Variants in COL24A1 observed in about 807,000 individuals in gnomAD.
COL24A1 encodes the protein collagen type XXIV alpha 1 chain.
Under a neutral mutation model 253.9 loss-of-function variants are expected in COL24A1, and 224 were observed. The observed-to-expected ratio is 0.88, with a 90% CI of 0.79 to 0.99. The LOEUF (loss-of-function observed/expected upper bound fraction) is 0.99. Among genes scored for constraint, COL24A1 ranks in the 50% least tolerant of loss-of-function variants. The probability of loss-of-function intolerance (pLI) is 0.00; values close to 1 mark genes in which losing one functional copy is unlikely to be tolerated. For missense variants in COL24A1, 2,131 were observed against 2,068.5 expected, an observed-to-expected ratio of 1.03 and a Z score of -0.59; for synonymous variants, 685 against 673.7, an observed-to-expected ratio of 1.02 and a Z score of -0.26.
chr1:85,839,464 C>T (rs892645418), intron 42 of COL24A1, among the ~76,000 whole-genome samples: 1 of 151,838 alleles, frequency 6.6e-6, no homozygotes, highest in Non-Finnish European at 1.5e-5. Context: ...TAGCTCATGC[C>T]TGTAATCCCA....
intron 20 of COL24A1, among the ~76,000 whole-genome samples, chr1:85,976,976 C>T (rs1260267131): frequency 6.6e-6 from 1 of 152,176 alleles, no homozygotes; most frequent in East Asian, 1.9e-4. Flanking sequence ...ACTTCACTCC[C>T]CTGCCACCTC....
intron 57 of COL24A1, among the ~76,000 whole-genome samples, chr1:85,737,988 C>T (rs530727186): frequency 4.5e-4 from 68 of 152,204 alleles, no homozygotes; most frequent in African/African-American, 1.5e-3. Context: ...AAAATTGATA[C>T]TAAAAATGCT....
intron 5 of COL24A1, among the ~76,000 whole-genome samples, chr1:86,107,754 C>A (rs1336451131): frequency 1.3e-5 from 2 of 151,756 alleles, no homozygotes; most frequent in Non-Finnish European, 2.9e-5. Context: ...CCAGGATGGT[C>A]TCGATCTCCT....
At chr1:86,091,624 AT>A (rs777479469) in intron 6 of COL24A1, among the ~76,000 whole-genome samples, 47 of 152,106 alleles carry the variant, frequency 3.1e-4, no homozygotes, top group Non-Finnish European at 5.7e-4. Context: ...CCTTCTCCCA[AT>A]AAAGTTTTTG....
intron 24 of COL24A1, among the ~76,000 whole-genome samples, chr1:85,926,071 A>G (rs1005128450): frequency 3.3e-5 from 5 of 152,252 alleles, no homozygotes; most frequent in Admixed American, 2.0e-4. Flanking sequence ...ACACATGAAA[A>G]AAATGCTCAT....
chr1:85,789,842 A>G (rs1670079488), intron 47 of COL24A1, among the ~76,000 whole-genome samples: 1 of 152,048 alleles, frequency 6.6e-6, no homozygotes. Flanking sequence ...TGTTTACGTG[A>G]TGAATTACAT....
intron 1 of COL24A1, among the ~76,000 whole-genome samples, chr1:86,152,425 T>G (rs930066213): frequency 4.6e-5 from 7 of 152,244 alleles, no homozygotes; most frequent in African/African-American, 1.7e-4. Context: ...TCAGTCTATG[T>G]GTATAAGGTA....
At chr1:85,895,712 T>C in intron 31 of COL24A1, 146 bp downstream of exon 31, 1 of 681,298 alleles carries the variant, frequency 1.5e-6, no homozygotes, top group Non-Finnish European at 2.6e-6. Context: ...TCATAATTTA[T>C]ACATATATCA....
intron 24 of COL24A1, among the ~76,000 whole-genome samples, chr1:85,958,253 C>T (rs997536660): frequency 2.6e-5 from 4 of 152,102 alleles, no homozygotes; most frequent in African/African-American, 9.7e-5. Flanking sequence ...TTTCCCCACC[C>T]CTTCCCTGGC....
chr1:86,050,674 C>T (rs2101679983), intron 10 of COL24A1, among the ~76,000 whole-genome samples: 1 of 152,016 alleles, frequency 6.6e-6, no homozygotes, highest in Non-Finnish European at 1.5e-5. Context: ...TTAATGGTAA[C>T]AATTGGGGAG....
At chr1:85,816,612 T>C (rs1308366088) in intron 47 of COL24A1, among the ~76,000 whole-genome samples, 176 bp downstream of exon 47, 1 of 152,254 alleles carries the variant, frequency 6.6e-6, no homozygotes, top group African/African-American at 2.4e-5. Context: ...GAAGAGAATG[T>C]ACCTATTGAC....
At chr1:85,822,054 T>A (rs1250086947) in intron 45 of COL24A1, among the ~76,000 whole-genome samples, 1 of 152,208 alleles carries the variant, frequency 6.6e-6, no homozygotes, top group Non-Finnish European at 1.5e-5. Context: ...TTTTCCAATT[T>A]GAGTATTAAA....
chr1:85,853,816 G>A (rs910431277), intron 37 of COL24A1, among the ~76,000 whole-genome samples: 2 of 151,986 alleles, frequency 1.3e-5, no homozygotes, highest in Non-Finnish European at 2.9e-5. Flanking sequence ...TAATGGGTTT[G>A]TTTGTTTTTT....
At chr1:85,932,425 AG>A (rs1178967932) in intron 24 of COL24A1, among the ~76,000 whole-genome samples, 1 of 97,496 alleles carries the variant, frequency 1.0e-5, no homozygotes, top group Admixed American at 1.2e-4. Flanking sequence ...ATCATTAAAA[AG>A]TCAGGAAACA....
At chr1:85,858,627 CCTTCCT>C (rs1678748332) in intron 37 of COL24A1, among the ~76,000 whole-genome samples, 50 of 115,960 alleles carry the variant, frequency 4.3e-4, no homozygotes, top group Middle Eastern at 4.1e-3. Context: ...CTCCCTCCTT[CCTTCCT>C]TCCTTCCTTC....
chr1:85,985,963 T>G (rs1693688597), intron 20 of COL24A1, among the ~76,000 whole-genome samples: 1 of 151,818 alleles, frequency 6.6e-6, no homozygotes, highest in Non-Finnish European at 1.5e-5. Context: ...TTCCAAATAT[T>G]GCACCTCCAC....
At chr1:85,783,702 T>C in intron 50 of COL24A1, 144 bp from the exon 51 acceptor site, 1 of 693,204 alleles carries the variant, frequency 1.4e-6, no homozygotes, top group South Asian at 1.9e-5. Context: ...GAAGGAAGTG[T>C]ACTGAGGCCT....
chr1:85,947,197 A>C (rs2103253537), intron 24 of COL24A1, among the ~76,000 whole-genome samples: 1 of 152,356 alleles, frequency 6.6e-6, no homozygotes, highest in South Asian at 2.1e-4. Flanking sequence ...ATGAGCACAA[A>C]GTGGTCTTGA....
In COL24A1 at chr1:85,889,679, A is replaced by T. The variant is rs370452177; in HGVS notation, c.2923-66T>A. On this transcript the variant is annotated intron_variant, in intron 31 of 59. Coordinates refer to ENST00000370571, the MANE Select transcript of COL24A1 (RefSeq NM_152890.7). Reference sequence around the variant, plus strand: ...TGAAGATGTTTTAGACACTTTCCTTACCTTAGCTTTCCTATGGATCCTTCC... The same window carrying T: ...TGAAGATGTTTTAGACACTTTCCTTTCCTTAGCTTTCCTATGGATCCTTCC... 20 of 1,380,578 alleles carry T rather than the reference A, an allele frequency of 1.4e-5. No homozygotes were observed. In the African/African-American group the frequency reaches 2.6e-4, roughly 18 times the overall value. 85.5% of individuals were successfully genotyped at this position (1,380,578 alleles called of 1,614,324 possible). A position where few individuals can be genotyped will look rare whatever the true frequency, so the allele number is the denominator to read the frequency against.
Sources: gnomAD v4.1 joint callset for allele counts (sites outside exome capture counted in the v4.1 genomes callset) on GRCh38, gnomAD v4.1.1 for gene constraint, MANE v1.5 for transcripts, NCBI Gene and HGNC (gene_info 2026-07-23, HGNC 2026-07-21) for gene names.